The following RARRES2 variants were observed in gnomAD, a reference collection of about 807,000 sequenced individuals.
The protein encoded by RARRES2 is retinoic acid receptor responder 2.
RARRES2 carries 12 observed loss-of-function variants against 17.9 expected under a neutral mutation model. The ratio of observed to expected loss-of-function variants is 0.67; its 90% CI spans 0.43 to 1.08. The LOEUF is 1.08. RARRES2 is among the 50% of genes least tolerant of loss of function. The pLI is 0.00. For missense variants in RARRES2, 220 were observed against 210.1 expected (o/e 1.05, Z -0.29); for synonymous variants, 82 against 86.8 (o/e 0.94, Z 0.31).
At chr7:150,339,144 T>G in intron 3 of RARRES2, 63 bp from the exon 4 acceptor site, 2 of 1,464,270 alleles carry the variant, frequency 1.4e-6, no homozygotes, top group Non-Finnish European at 1.9e-6. Context: ...CTGGGCATCA[T>G]GAGGGTGGGA....
At chr7:150,339,577 G>A (rs1330217742) in intron 3 of RARRES2, among the ~76,000 whole-genome samples, 1 of 152,114 alleles carries the variant, frequency 6.6e-6, no homozygotes, top group Non-Finnish European at 1.5e-5. Flanking sequence ...TGCCCTCCTT[G>A]AGCCGACAGA....
chr7:150,340,662 G>C (rs983648498), intron 1 of RARRES2, 33 bp from the exon 2 acceptor site: 4 of 1,432,794 alleles, frequency 2.8e-6, no homozygotes, highest in Non-Finnish European at 2.7e-6. Flanking sequence ...TCAGCTCTCC[G>C]AGCCAGCCCG....
In RARRES2 at chr7:150,338,715, C is replaced by G. The variant is rs141033029; in HGVS notation, c.402G>C (p.Gln134His). 447 of 1,555,724 alleles carry G rather than the reference C, an allele frequency of 2.9e-4. 2 individuals carry two copies. The Middle Eastern group carries it at 5.7e-3, about 20-fold the overall frequency. Residue 134 changes from glutamine to histidine, a missense_variant, in exon 5 of 6, where the codon CAG becomes CAC. Transcript: ENST00000223271. ...LREAEEHQETQCLRVQRAGED... is the reference protein window; with the variant it reads ...LREAEEHQETHCLRVQRAGED... ...CACCAGCCCGCTGCACCCTGAGGCA[C>G]TGGGTCTCCTGGTGCTCCTCAGCCT...
rs371287920 is a variant in RARRES2 at position 150,340,431 on chromosome 7, C to T, written c.174+5G>A. 3 of 1,594,970 alleles carry T rather than the reference C, an allele frequency of 1.9e-6. No individual in the cohort carries two copies. Among genetic ancestry groups the T allele is most frequent in the South Asian group, 1.1e-5 (1 of 89,316 alleles). ...CCCCGCTCCTGCCCGGGCCATGCTACTCACCGTGTCCACGGCGCTCTCCAC... is the reference window on the plus strand; with the variant it reads ...CCCCGCTCCTGCCCGGGCCATGCTATTCACCGTGTCCACGGCGCTCTCCAC... On this transcript the variant is annotated splice_donor_5th_base_variant and intron_variant, in intron 2 of 5. Transcript: ENST00000223271.
At position 150,340,122 on chromosome 7, in the gene RARRES2, T is replaced by C; in HGVS notation, c.257A>G (p.Glu86Gly). Residue 86 changes from glutamate to glycine, a missense_variant, in exon 3 of 6, where the codon GAG becomes GGG. By Grantham distance (98) the Glu-to-Gly change is moderately conservative. Coordinates refer to ENST00000223271, the MANE Select transcript of RARRES2 (RefSeq NM_002889.4). ...CACCCCATTGGGCCTGACTTTGCACTCGGGTTTCTTCCAGTCCCTCTTCCG... is the reference window on the plus strand; with the variant it reads ...CACCCCATTGGGCCTGACTTTGCACCCGGGTTTCTTCCAGTCCCTCTTCCG... ...SCRKRDWKKPECKVRPNGRKR... is the reference protein window; with the variant it reads ...SCRKRDWKKPGCKVRPNGRKR... 1 of 1,614,146 alleles carries C rather than the reference T, an allele frequency of 6.2e-7. No individual in the cohort carries two copies. The highest frequency in any genetic ancestry group is 8.5e-7 in the Non-Finnish European group (1 of 1,180,000).
At chr7:150,339,912 C>A (rs867714431) in intron 3 of RARRES2, among the ~76,000 whole-genome samples, 188 bp downstream of exon 3, 1 of 152,166 alleles carries the variant, frequency 6.6e-6, no homozygotes, top group East Asian at 1.9e-4. Context: ...ACTCTCACAA[C>A]CTTGGGCTCA....
intron 4 of RARRES2, 40 bp from the exon 5 acceptor site, chr7:150,338,781 T>C (rs1400398357): frequency 1.5e-5 from 23 of 1,562,172 alleles, no homozygotes; most frequent in Non-Finnish European, 1.9e-5. Context: ...GTAGGAGGGG[T>C]GGGCAGTGCC....
intron 3 of RARRES2, 138 bp downstream of exon 3, chr7:150,339,962 G>T: frequency 1.3e-6 from 1 of 777,500 alleles, no homozygotes; most frequent in Non-Finnish European, 2.2e-6. Flanking sequence ...CTTCGCAGTG[G>T]GGTCTCTAAC....
chr7:150,340,040 C>A, intron 3 of RARRES2, 60 bp downstream of exon 3: 1 of 1,483,134 alleles, frequency 6.7e-7, no homozygotes, highest in Non-Finnish European at 9.4e-7. Flanking sequence ...ACACCCCAAA[C>A]CCCAAGTCCA....
rs1798455337 is a variant in RARRES2 at position 150,340,416 on chromosome 7, G to A, written c.174+20C>T. 1 of 1,582,050 alleles carries A rather than the reference G, an allele frequency of 6.3e-7. No individual in the cohort carries two copies. Among genetic ancestry groups the A allele is most frequent in the Non-Finnish European group, 8.6e-7 (1 of 1,160,862 alleles). On this transcript the variant is annotated intron_variant, in intron 2 of 5. Coordinates refer to ENST00000223271, the MANE Select transcript of RARRES2 (RefSeq NM_002889.4). ...CTGGGGTACGACCCTCCCCGCTCCTGCCCGGGCCATGCTACTCACCGTGTC... is the reference window on the plus strand; with the variant it reads ...CTGGGGTACGACCCTCCCCGCTCCTACCCGGGCCATGCTACTCACCGTGTC...
In RARRES2 at chr7:150,340,168, T is replaced by TA; in HGVS notation, c.210dup (p.Lys71Ter). The TA allele has an allele frequency of 6.2e-7, 1 of 1,614,128 alleles. No individual in the cohort carries two copies. Among genetic ancestry groups the TA allele is most frequent in the Non-Finnish European group, 8.5e-7 (1 of 1,180,002 alleles). ...TTCCGGCAGCTTGTCTGCTGCAGCT[T>TA]AAATTCCAGCCTCACAAATATTCCA... On this transcript the variant is annotated frameshift_variant, in exon 3 of 6. Coordinates refer to ENST00000223271, the MANE Select transcript of RARRES2 (RefSeq NM_002889.4). LOFTEE classifies it high-confidence loss of function.
At chr7:150,338,939 CA>C in intron 4 of RARRES2, 46 bp downstream of exon 4, 1 of 1,558,866 alleles carries the variant, frequency 6.4e-7, no homozygotes, top group Non-Finnish European at 8.8e-7. Flanking sequence ...AGCTTCCATC[CA>C]TCTTCCCAGC....
intron 4 of RARRES2, 56 bp downstream of exon 4, chr7:150,338,930 G>T (rs755447100): frequency 1.5e-4 from 233 of 1,552,446 alleles, no homozygotes; most frequent in Admixed American, 3.2e-4. Context: ...CATAGGCTCA[G>T]CTTCCATCCA....
intron 1 of RARRES2, 78 bp downstream of exon 1, chr7:150,341,500 G>T: frequency 6.6e-6 from 1 of 151,924 alleles, no homozygotes; most frequent in Non-Finnish European, 1.5e-5. Context: ...GGTCGCCTTA[G>T]AGCAAAGGCG....
At chr7:150,340,664 G>C in intron 1 of RARRES2, 35 bp from the exon 2 acceptor site, 1 of 1,433,226 alleles carries the variant, frequency 7.0e-7, no homozygotes. Context: ...AGCTCTCCGA[G>C]CCAGCCCGAG....
rs753310870 is a variant in RARRES2 at position 150,340,515 on chromosome 7, A to AC, written c.94dup (p.Val32GlyfsTer40). The stretch of plus-strand genomic sequence containing the variant: ...GTGCTTGTGAAATTCCTCCAGGGCC[A>AC]CCTGCAGGCCCCGGCGCTGGGCTTC... On this transcript the variant is annotated frameshift_variant, in exon 2 of 6. Transcript: ENST00000223271. LOFTEE classifies it high-confidence loss of function. 9 of 1,596,318 alleles carry AC rather than the reference A, an allele frequency of 5.6e-6. No homozygotes were observed. The Admixed American group carries it at 1.2e-4, about 22-fold the overall frequency.
Position 150,339,176 on chromosome 7 carries a change from A to T in RARRES2, c.280-95T>A, listed in dbSNP as rs138940225. ...GGGAGCCAGGGCTGCCCATCATGGGACCAGATCCCCAACTAGGCCCTCGAG... is the reference window on the plus strand; with the variant it reads ...GGGAGCCAGGGCTGCCCATCATGGGTCCAGATCCCCAACTAGGCCCTCGAG... On this transcript the variant is annotated intron_variant, in intron 3 of 5. Coordinates refer to ENST00000223271, the MANE Select transcript of RARRES2 (RefSeq NM_002889.4). 156 of 1,210,322 alleles carry T rather than the reference A, an allele frequency of 1.3e-4. No homozygotes were observed. In the East Asian group the frequency reaches 3.6e-3, roughly 28 times the overall value. 75.0% of individuals were successfully genotyped at this position (1,210,322 alleles called of 1,614,324 possible). A position where few individuals can be genotyped will look rare whatever the true frequency, so the allele number is the denominator to read the frequency against.
chr7:150,338,790 C>A, intron 4 of RARRES2, 49 bp from the exon 5 acceptor site: 1 of 1,564,016 alleles, frequency 6.4e-7, no homozygotes, highest in Non-Finnish European at 8.7e-7. Flanking sequence ...GTGGGCAGTG[C>A]CAGTGGAGGG....
At chr7:150,340,714 A>T in intron 1 of RARRES2, 85 bp from the exon 2 acceptor site, 1 of 1,214,608 alleles carries the variant, frequency 8.2e-7, no homozygotes. Context: ...GAGGGTGGGG[A>T]GCGGGGGCGG....
Sources: allele counts gnomAD v4.1 joint callset (sites outside exome capture counted in the v4.1 genomes callset), GRCh38; gene constraint gnomAD v4.1.1; transcripts MANE v1.5; gene names NCBI Gene and HGNC (gene_info 2026-07-23, HGNC 2026-07-21).